Variants in PDE7B observed in about 807,000 individuals in gnomAD.
The protein encoded by PDE7B is phosphodiesterase 7B.
A neutral mutation model predicts 56.2 loss-of-function variants in PDE7B; 29 were observed. That is an observed-to-expected ratio of 0.52 (90% CI 0.38 to 0.70). The LOEUF is 0.70. Ranked by LOEUF, PDE7B falls within the 30% of genes least tolerant of loss-of-function variation. The probability of loss-of-function intolerance (pLI) is 0.00; values close to 1 mark genes in which losing one functional copy is unlikely to be tolerated. For missense variants in PDE7B, 490 were observed against 565.0 expected (o/e 0.87, Z 1.35); for synonymous variants, 197 against 196.9 (o/e 1.00, Z 0.00).
chr6:136,061,920 G>T (rs1776851886), intron 2 of PDE7B, among the ~76,000 whole-genome samples: 1 of 152,110 alleles, frequency 6.6e-6, no homozygotes, highest in Non-Finnish European at 1.5e-5. Context: ...ACAATTCCTG[G>T]TACATTGCCA....
intron 1 of PDE7B, among the ~76,000 whole-genome samples, chr6:135,855,092 C>A (rs1031764226): frequency 3.3e-5 from 5 of 152,140 alleles, no homozygotes; most frequent in Non-Finnish European, 7.4e-5. Context: ...TGACTCTGAG[C>A]CACTCACTCA....
intron 3 of PDE7B, among the ~76,000 whole-genome samples, chr6:136,119,790 A>G (rs1777898869): frequency 6.6e-6 from 1 of 152,210 alleles, no homozygotes; most frequent in South Asian, 2.1e-4. Context: ...GGCTCTTCTT[A>G]CATTCTGTCT....
intron 1 of PDE7B, among the ~76,000 whole-genome samples, chr6:135,898,444 C>A (rs559727341): frequency 6.6e-6 from 1 of 152,016 alleles, no homozygotes; most frequent in Admixed American, 6.6e-5. Context: ...GACCTGTAAT[C>A]ATGTCCCCCA....
chr6:136,191,037 T>TTTTA (rs1471563191), intron 12 of PDE7B, among the ~76,000 whole-genome samples: 7 of 143,166 alleles, frequency 4.9e-5, no homozygotes, highest in African/African-American at 2.0e-4. Context: ...TTTTTTTTTT[T>TTTTA]ACTTATATGT....
intron 10 of PDE7B, 28 bp from the exon 11 acceptor site, chr6:136,181,199 A>C: frequency 6.4e-7 from 1 of 1,560,394 alleles, no homozygotes; most frequent in Non-Finnish European, 8.8e-7. Flanking sequence ...ATCCTCTCAC[A>C]ATTTCTCCCC....
rs927837191 is a variant in PDE7B, at chr6:136,156,097, C to A, written c.711+339C>A. 7 of 383,310 alleles carry A rather than the reference C, an allele frequency of 1.8e-5. No homozygotes were observed. In the Admixed American group the frequency reaches 1.8e-4, roughly 10 times the overall value. The allele number at this position is 383,310 out of a possible 1,614,324, so 23.7% of individuals were successfully genotyped here. A position where few individuals can be genotyped will look rare whatever the true frequency, so the allele number is the denominator to read the frequency against. On this transcript the variant is annotated intron_variant, in intron 8 of 12. Transcript: ENST00000308191. ...TGAGCCGCTGTTTTTCTTTTCCCAT[C>A]AGTAAATTTATTCTCTAATTCTCTG...
intron 1 of PDE7B, among the ~76,000 whole-genome samples, chr6:135,867,785 T>C (rs1055932171): frequency 1.3e-5 from 2 of 152,226 alleles, no homozygotes; most frequent in African/African-American, 2.4e-5. Flanking sequence ...TGAGAAAATA[T>C]TTTTAACTTT....
At chr6:136,189,956 T>C (rs1015650573) in intron 12 of PDE7B, among the ~76,000 whole-genome samples, 2 of 152,236 alleles carry the variant, frequency 1.3e-5, no homozygotes, top group African/African-American at 4.8e-5. Flanking sequence ...AATACAGATA[T>C]AGTGCCAGGG....
At chr6:136,129,332 C>CA (rs1275292586) in intron 3 of PDE7B, among the ~76,000 whole-genome samples, 2 of 152,184 alleles carry the variant, frequency 1.3e-5, no homozygotes, top group Non-Finnish European at 2.9e-5. Flanking sequence ...GGAGATGAGA[C>CA]ATATACCAGA....
intron 1 of PDE7B, among the ~76,000 whole-genome samples, chr6:135,928,489 A>ATATATATT (rs1379750556): frequency 1.2e-4 from 10 of 81,752 alleles, no homozygotes; most frequent in South Asian, 3.8e-4. Context: ...ATATTTATTT[A>ATATATATT]TATATATATA....
intron 2 of PDE7B, among the ~76,000 whole-genome samples, chr6:135,995,142 C>T (rs1250761712): frequency 1.3e-5 from 2 of 152,160 alleles, no homozygotes; most frequent in African/African-American, 4.8e-5. Flanking sequence ...CCTTTGGTCA[C>T]ACAAATCCTA....
At chr6:135,923,268 C>G (rs1035752945) in intron 1 of PDE7B, among the ~76,000 whole-genome samples, 5 of 152,162 alleles carry the variant, frequency 3.3e-5, no homozygotes, top group South Asian at 2.1e-4. Context: ...AAACTCTGCA[C>G]TAGGCATGGA....
chr6:135,905,335 C>CGTGT (rs1252297143), intron 1 of PDE7B, among the ~76,000 whole-genome samples: 1 of 122,360 alleles, frequency 8.2e-6, no homozygotes, highest in South Asian at 2.9e-4. Context: ...TACATACATG[C>CGTGT]GTGTGTGTGT....
At chr6:135,900,711 G>A (rs920032696) in intron 1 of PDE7B, among the ~76,000 whole-genome samples, 3 of 151,532 alleles carry the variant, frequency 2.0e-5, no homozygotes, top group Admixed American at 6.6e-5. Flanking sequence ...TGTGTCCTTA[G>A]GATAATTTCC....
intron 3 of PDE7B, among the ~76,000 whole-genome samples, chr6:136,139,471 T>C (rs933227949): frequency 8.5e-5 from 13 of 152,208 alleles, no homozygotes; most frequent in Admixed American, 8.5e-4. Flanking sequence ...TTATAATCCT[T>C]TGGGTATATA....
At chr6:136,060,481 G>A (rs539277468) in intron 2 of PDE7B, among the ~76,000 whole-genome samples, 11 of 152,240 alleles carry the variant, frequency 7.2e-5, no homozygotes, top group African/African-American at 2.4e-4. Flanking sequence ...ATAAATCAGA[G>A]AAAAGGTGTA....
intron 8 of PDE7B, among the ~76,000 whole-genome samples, chr6:136,163,910 C>G (rs1212021578): frequency 2.0e-5 from 3 of 152,170 alleles, no homozygotes; most frequent in African/African-American, 7.2e-5. Context: ...GCATTTTGGG[C>G]AAAGCCATAC....
At chr6:136,085,672 G>C (rs1777279518) in intron 2 of PDE7B, among the ~76,000 whole-genome samples, 1 of 152,218 alleles carries the variant, frequency 6.6e-6, no homozygotes, top group Non-Finnish European at 1.5e-5. Flanking sequence ...GCAAAGAGTG[G>C]AGGCAAAGTA....
chr6:136,044,810 G>A lies in PDE7B; in HGVS notation c.83-63921G>A, dbSNP rs550299078. 3 of 152,258 alleles carry A rather than the reference G, an allele frequency of 2.0e-5. No individual in the cohort carries two copies. The East Asian group carries it at 5.8e-4, about 29-fold the overall frequency. 9.4% of individuals were successfully genotyped at this position (152,258 alleles called of 1,614,324 possible). ...CTGAACATAATTTCAAAAATAGAGTGCAAAAGGTGTGTGTTTACCCAGCCC... is the reference window on the plus strand; with the variant it reads ...CTGAACATAATTTCAAAAATAGAGTACAAAAGGTGTGTGTTTACCCAGCCC... On this transcript the variant is annotated intron_variant, in intron 2 of 12. Coordinates refer to ENST00000308191, the MANE Select transcript of PDE7B (RefSeq NM_018945.4).
Sources: allele counts gnomAD v4.1 joint callset (sites outside exome capture counted in the v4.1 genomes callset), GRCh38; gene constraint gnomAD v4.1.1; transcripts MANE v1.5; gene names NCBI Gene and HGNC (gene_info 2026-07-23, HGNC 2026-07-21).